COL4A5: variants seen among roughly 807,000 people sequenced by gnomAD.
The protein encoded by COL4A5 is collagen type IV alpha 5 chain.
Under a neutral mutation model 130.2 loss-of-function variants are expected in COL4A5, and 26 were observed. The observed-to-expected ratio is 0.20, with a 90% CI of 0.15 to 0.28. The LOEUF is 0.28. Ranked by LOEUF, COL4A5 falls within the 10% of genes least tolerant of loss-of-function variation. The pLI, the probability that COL4A5 is intolerant of heterozygous loss-of-function variation, is 1.00. For missense variants in COL4A5, 1,131 were observed against 1,344.3 expected (o/e 0.84, Z 2.48); for synonymous variants, 496 against 439.6 (o/e 1.13, Z -1.60).
intron 44 of COL4A5, among the ~76,000 whole-genome samples, chrX:108,678,775 T>G (rs1322689772): frequency 3.6e-5 from 4 of 111,394 alleles, no homozygotes; most frequent in Non-Finnish European, 7.5e-5. Context: ...CATTAATTTC[T>G]ATCTTTCATA....
At chrX:108,551,741 T>C (rs758288631) in intron 2 of COL4A5, among the ~76,000 whole-genome samples, 1 of 112,011 alleles carries the variant, frequency 8.9e-6, no homozygotes, top group Admixed American at 9.5e-5. Flanking sequence ...GCAATCATTC[T>C]ACTGAAGAGA....
rs186283031 is a variant in COL4A5, at chrX:108,616,257, T to G, written c.2509+1233T>G. 9.8e-4 allele frequency among the ~76,000 whole-genome samples: 109 copies of G among 110,751 alleles called. 4 individuals carry two copies. The East Asian group carries it at 0.03, about 30-fold the overall frequency. On this transcript the variant is annotated intron_variant, in intron 30 of 52. Coordinates refer to ENST00000328300, the MANE Select transcript of COL4A5 (RefSeq NM_033380.3). Reference sequence around the variant, plus strand: ...GTTGTTGTTTTTGTTTTGTTTTGTTTTGAGACAGAGTTTCACTCTTGTTGC... The same window carrying G: ...GTTGTTGTTTTTGTTTTGTTTTGTTGTGAGACAGAGTTTCACTCTTGTTGC...
At chrX:108,471,305 A>G (rs759949410) in intron 1 of COL4A5, among the ~76,000 whole-genome samples, 1 of 111,954 alleles carries the variant, frequency 8.9e-6, no homozygotes, top group East Asian at 2.8e-4. Flanking sequence ...ATTTGTTTCT[A>G]TCATCTATGA....
chrX:108,602,949 CTT>C lies in COL4A5; in HGVS notation c.2147-14_2147-13del. 9.1e-7 allele frequency: 1 copy of C among 1,104,048 alleles called. No homozygotes were observed. The highest frequency in any genetic ancestry group is 1.2e-6 in the Non-Finnish European group (1 of 809,985). The allele number at this position is 1,104,048 out of a possible 1,213,427, so 91.0% of individuals were successfully genotyped here. A position where few individuals can be genotyped will look rare whatever the true frequency, so the allele number is the denominator to read the frequency against. On this transcript the variant is annotated splice_polypyrimidine_tract_variant and intron_variant, in intron 27 of 52. Coordinates refer to ENST00000328300, the MANE Select transcript of COL4A5 (RefSeq NM_033380.3). ...CTTTCCTTTGGTGGTTAAAAAATGA[CTT>C]ATCATTTTACAGGCTTTCCTGGAAT...
intron 1 of COL4A5, among the ~76,000 whole-genome samples, chrX:108,480,622 G>A (rs1233925692): frequency 8.8e-6 from 1 of 113,000 alleles, no homozygotes; most frequent in Non-Finnish European, 1.9e-5. Flanking sequence ...TCATGCACAG[G>A]AATGGAGAAA....
intron 2 of COL4A5, among the ~76,000 whole-genome samples, chrX:108,550,258 A>T (rs1232405762): frequency 1.8e-5 from 2 of 111,919 alleles, no homozygotes; most frequent in Non-Finnish European, 3.8e-5. Flanking sequence ...ATCCCTCATG[A>T]GCATAGATAC....
At chrX:108,675,286 T>A (rs1331717190) in intron 43 of COL4A5, among the ~76,000 whole-genome samples, 1 of 111,692 alleles carries the variant, frequency 9.0e-6, no homozygotes, top group African/African-American at 3.2e-5. Flanking sequence ...CATTTTTTTT[T>A]AATTTCGAAA....
chrX:108,623,248 C>G (rs2067091765), intron 33 of COL4A5, among the ~76,000 whole-genome samples: 1 of 111,394 alleles, frequency 9.0e-6, no homozygotes, highest in African/African-American at 3.3e-5. Context: ...GTTTTGATAT[C>G]CATATCATAC....
intron 2 of COL4A5, among the ~76,000 whole-genome samples, chrX:108,544,046 A>G (rs369363173): frequency 8.9e-6 from 1 of 112,158 alleles, no homozygotes; most frequent in South Asian, 3.7e-4. Flanking sequence ...CAATCATGTC[A>G]TCTGCAAACA....
At chrX:108,444,460 C>G (rs1263990544) in intron 1 of COL4A5, among the ~76,000 whole-genome samples, 3 of 111,569 alleles carry the variant, frequency 2.7e-5, no homozygotes, top group Non-Finnish European at 5.7e-5. Context: ...ACCTCGTGAT[C>G]CACCCGCCTT....
chrX:108,626,493 C>G (rs1265614999), intron 36 of COL4A5, 144 bp downstream of exon 36: 2 of 1,156,611 alleles, frequency 1.7e-6, no homozygotes, highest in East Asian at 6.3e-5. Flanking sequence ...TTTCTTTTCT[C>G]TTAGATGATA....
intron 1 of COL4A5, among the ~76,000 whole-genome samples, chrX:108,473,613 G>GTGTATATATATATATA (rs1556359434): frequency 8.7e-5 from 4 of 46,092 alleles, no homozygotes; most frequent in South Asian, 2.1e-3. Context: ...ATATATATAT[G>GTGTATATATATATATA]TATATATATA....
At chrX:108,641,548 C>T (rs2067467052) in intron 36 of COL4A5, among the ~76,000 whole-genome samples, 2 of 112,092 alleles carry the variant, frequency 1.8e-5, no homozygotes, top group South Asian at 7.5e-4. Flanking sequence ...ACCCAGGAGA[C>T]ACCCCAAATA....
intron 15 of COL4A5, 24 bp from the exon 16 acceptor site, chrX:108,580,959 C>G: frequency 8.4e-7 from 1 of 1,192,994 alleles, no homozygotes; most frequent in Admixed American, 2.2e-5. Flanking sequence ...TGTTGTTGCC[C>G]TATCATTTCT....
chrX:108,591,313 C>G, intron 20 of COL4A5, 82 bp downstream of exon 20: 1 of 993,520 alleles, frequency 1.0e-6, no homozygotes, highest in Non-Finnish European at 1.4e-6. Context: ...AAAGGTTGGC[C>G]TCATTTGTTG....
At chrX:108,522,168 A>G (rs2065270980) in intron 1 of COL4A5, among the ~76,000 whole-genome samples, 1 of 110,942 alleles carries the variant, frequency 9.0e-6, no homozygotes, top group Non-Finnish European at 1.9e-5. Context: ...AAATAATATT[A>G]TATTGTATGC....
chrX:108,471,253 C>T (rs1213606487), intron 1 of COL4A5, among the ~76,000 whole-genome samples: 2 of 111,950 alleles, frequency 1.8e-5, no homozygotes, highest in African/African-American at 3.2e-5. Flanking sequence ...GCCATTTTAA[C>T]GATATTGATT....
Position 108,624,464 on chromosome X carries a change from T to C in COL4A5, c.3016+130T>C, listed in dbSNP as rs113214035. 13 of 604,349 alleles carry C rather than the reference T, an allele frequency of 2.2e-5. 1 individual carries two copies. 49.8% of individuals were successfully genotyped at this position (604,349 alleles called of 1,213,427 possible). A position where few individuals can be genotyped will look rare whatever the true frequency, so the allele number is the denominator to read the frequency against. ...TAATAAGCTTGGGTAGCTACTGAAATATGGAGCTCACTTTCGGCAAAAATA... is the reference window on the plus strand; with the variant it reads ...TAATAAGCTTGGGTAGCTACTGAAACATGGAGCTCACTTTCGGCAAAAATA... On this transcript the variant is annotated intron_variant, in intron 34 of 52. Transcript: ENST00000328300.
Position 108,570,989 on chromosome X carries a change from C to T in COL4A5, c.385-424C>T, listed in dbSNP as rs1261583325. ...TGATATTAATGGCCTTCTTTCTTAC[C>T]ATCTTTTCCCCTTTACAAAAATAAT... On this transcript the variant is annotated intron_variant, in intron 6 of 52. Coordinates refer to ENST00000328300, the MANE Select transcript of COL4A5 (RefSeq NM_033380.3). Among the ~76,000 whole-genome samples, 4 of 111,554 alleles carry T rather than the reference C, an allele frequency of 3.6e-5. No homozygotes were observed. The Admixed American group carries it at 3.8e-4, about 11-fold the overall frequency.
Sources: allele counts gnomAD v4.1 joint callset (sites outside exome capture counted in the v4.1 genomes callset), GRCh38; gene constraint gnomAD v4.1.1; transcripts MANE v1.5; gene names NCBI Gene and HGNC (gene_info 2026-07-23, HGNC 2026-07-21).